The following MAP4K5 variants were observed in gnomAD, a reference collection of about 807,000 sequenced individuals.
The protein encoded by MAP4K5 is mitogen-activated protein kinase kinase kinase kinase 5, also known as MAPK/ERK kinase kinase kinase 5.
MAP4K5 carries 82 observed loss-of-function variants against 135.6 expected under a neutral mutation model. The observed-to-expected ratio is 0.60, with a 90% CI of 0.51 to 0.73. The LOEUF is 0.73. Among genes scored for constraint, MAP4K5 ranks in the 30% least tolerant of loss-of-function variants. The probability of loss-of-function intolerance (pLI) is 0.00; values close to 1 mark genes in which losing one functional copy is unlikely to be tolerated. For missense variants in MAP4K5, 907 were observed against 1,010.9 expected (o/e 0.90, Z 1.39); for synonymous variants, 347 against 335.0 (o/e 1.04, Z -0.39).
intron 21 of MAP4K5, 148 bp downstream of exon 21, chr14:50,442,583 AT>A: frequency 1.7e-6 from 1 of 581,232 alleles, no homozygotes; most frequent in Non-Finnish European, 3.0e-6. Context: ...CCAAAACCCT[AT>A]TGACCTATTT....
chr14:50,519,324 G>C (rs764401490), intron 2 of MAP4K5, among the ~76,000 whole-genome samples: 2 of 152,040 alleles, frequency 1.3e-5, no homozygotes, highest in African/African-American at 2.4e-5. Flanking sequence ...TGGTAAAGGA[G>C]ACACAAGTAA....
chr14:50,441,300 G>C (rs555237020), intron 21 of MAP4K5, among the ~76,000 whole-genome samples: 62 of 152,192 alleles, frequency 4.1e-4, no homozygotes, highest in African/African-American at 1.4e-3. Context: ...TGAGAATGGA[G>C]AAGGCTAGTG....
At chr14:50,431,979 T>C (rs909445338) in intron 28 of MAP4K5, among the ~76,000 whole-genome samples, 14 of 152,226 alleles carry the variant, frequency 9.2e-5, no homozygotes, top group African/African-American at 3.1e-4. Flanking sequence ...TTTGGGGTGT[T>C]TGTGGACCTT....
chr14:50,535,568 AATT>A (rs2038481346), upstream of MAP4K5, among the ~76,000 whole-genome samples: 1 of 147,808 alleles, frequency 6.8e-6, no homozygotes, highest in African/African-American at 2.5e-5. Context: ...ATTTTTAAAT[AATT>A]ATTATTAAAC....
chr14:50,424,182 A>AC (rs1566630276), intron 31 of MAP4K5, among the ~76,000 whole-genome samples: 1 of 151,726 alleles, frequency 6.6e-6, no homozygotes, highest in African/African-American at 2.4e-5. Context: ...AAAAAAAAAA[A>AC]GTCTGGTATC....
chr14:50,498,567 G>A (rs2037642342), intron 3 of MAP4K5, among the ~76,000 whole-genome samples: 1 of 152,066 alleles, frequency 6.6e-6, no homozygotes, highest in South Asian at 2.1e-4. Context: ...TGACTATTAG[G>A]AAGACCTTCA....
intron 6 of MAP4K5, among the ~76,000 whole-genome samples, chr14:50,480,988 G>A (rs2037228722): frequency 6.6e-6 from 1 of 151,880 alleles, no homozygotes; most frequent in Non-Finnish European, 1.5e-5. Flanking sequence ...TGCAGTACAG[G>A]ATTGTATTTT....
chr14:50,537,235 G>A (rs2038505230), upstream of MAP4K5, among the ~76,000 whole-genome samples: 1 of 152,236 alleles, frequency 6.6e-6, no homozygotes. Context: ...GCTTCAGAGG[G>A]TGCAAGCCTC....
intron 2 of MAP4K5, among the ~76,000 whole-genome samples, chr14:50,518,330 T>C (rs2038076239): frequency 6.6e-6 from 1 of 152,148 alleles, no homozygotes; most frequent in Non-Finnish European, 1.5e-5. Context: ...GTTTGTTACA[T>C]AGGTATATGT....
intron 15 of MAP4K5, 105 bp from the exon 16 acceptor site, chr14:50,447,586 G>C: frequency 4.7e-6 from 3 of 634,990 alleles, no homozygotes; most frequent in South Asian, 2.4e-5. Context: ...AATCATCTTG[G>C]CATTCAATCA....
intron 9 of MAP4K5, among the ~76,000 whole-genome samples, chr14:50,471,072 G>A (rs1191949223): frequency 6.6e-6 from 1 of 151,900 alleles, no homozygotes; most frequent in Non-Finnish European, 1.5e-5. Context: ...TTTTACACAG[G>A]TAAATGTGTG....
chr14:50,434,351 G>T, intron 28 of MAP4K5, 43 bp downstream of exon 28: 1 of 1,496,684 alleles, frequency 6.7e-7, no homozygotes, highest in Non-Finnish European at 9.1e-7. Context: ...TTCTTTTATA[G>T]GCAAAAATAT....
chr14:50,495,922 T>C (rs1233503532), intron 3 of MAP4K5, among the ~76,000 whole-genome samples: 2 of 152,086 alleles, frequency 1.3e-5, no homozygotes, highest in Admixed American at 6.5e-5. Flanking sequence ...AGCAAAGAGT[T>C]GTTGTTGTTT....
chr14:50,541,486 T>C (rs1285444011), intron 2 of MAP4K5, among the ~76,000 whole-genome samples: 1 of 152,194 alleles, frequency 6.6e-6, no homozygotes, highest in Non-Finnish European at 1.5e-5. Context: ...GTTTGGCCTG[T>C]TTGTATTTTG....
chr14:50,503,210 C>A (rs1192818586), intron 3 of MAP4K5, among the ~76,000 whole-genome samples: 2 of 151,882 alleles, frequency 1.3e-5, no homozygotes, highest in Non-Finnish European at 2.9e-5. Context: ...TAATAAAATA[C>A]AAATAACCTG....
intron 2 of MAP4K5, among the ~76,000 whole-genome samples, chr14:50,522,793 A>G (rs1566694086): frequency 6.6e-6 from 1 of 152,228 alleles, no homozygotes; most frequent in Non-Finnish European, 1.5e-5. Flanking sequence ...ATAAGAAAGT[A>G]GGTGATGTTT....
Position 50,532,302 on chromosome 14 carries a change from T to A in MAP4K5, c.-109-144A>T, listed in dbSNP as rs2038414380. On this transcript the variant is annotated intron_variant, in intron 1 of 32. Transcript: ENST00000682126. ...GCCTGGAAGGGCCCCCGGCGCCCCG[T>A]ATCCCCGTTCGGTCTGCGGCCCTTC... 1.7e-5 allele frequency: 7 copies of A among 419,940 alleles called. No homozygotes were observed. The South Asian group carries it at 2.6e-4, about 16-fold the overall frequency. The allele number at this position is 419,940 out of a possible 1,614,324, so 26.0% of individuals were successfully genotyped here.
chr14:50,437,338 A>G (rs1279157790), intron 26 of MAP4K5, 138 bp downstream of exon 26: 3 of 666,752 alleles, frequency 4.5e-6, no homozygotes, highest in Non-Finnish European at 7.8e-6. Context: ...CTTGTACTTC[A>G]ATGGCAGCTT....
intron 2 of MAP4K5, among the ~76,000 whole-genome samples, chr14:50,541,959 A>G (rs2038566789): frequency 7.7e-6 from 1 of 129,438 alleles, no homozygotes; most frequent in Non-Finnish European, 1.6e-5. Context: ...GTGAGCCGAG[A>G]TCGCGCCACT....
Sources: gnomAD v4.1 joint callset for allele counts (sites outside exome capture counted in the v4.1 genomes callset) on GRCh38, gnomAD v4.1.1 for gene constraint, MANE v1.5 for transcripts, NCBI Gene and HGNC (gene_info 2026-07-23, HGNC 2026-07-21) for gene names.